The following NTM variants were observed in gnomAD, a reference collection of about 807,000 sequenced individuals.
The protein encoded by NTM is IgLON family member 2.
In NTM, 13 loss-of-function variants were observed where a neutral mutation model predicts 42.1. The ratio of observed to expected loss-of-function variants is 0.31; its 90% CI spans 0.20 to 0.49. The LOEUF (loss-of-function observed/expected upper bound fraction) is 0.49, where lower values mean the gene tolerates loss of function less well. NTM is among the 20% of genes least tolerant of loss of function. The pLI is 0.99. For synonymous variants in NTM, 187 were observed against 179.2 expected (o/e 1.04, Z -0.35); for missense variants, 373 against 452.8 (o/e 0.82, Z 1.60).
At chr11:131,557,005 G>A (rs753640811) in intron 1 of NTM, among the ~76,000 whole-genome samples, 1 of 151,998 alleles carries the variant, frequency 6.6e-6, no homozygotes, top group Non-Finnish European at 1.5e-5. Flanking sequence ...GCATGCGTGT[G>A]TGTTTGTGTG....
chr11:132,314,998 A>AAGAATGTTCATGT (rs2095390203), intron 7 of NTM: 1 of 1,162,084 alleles, frequency 8.6e-7, no homozygotes. Flanking sequence ...GAAAATGAAA[A>AAGAATGTTCATGT]AGAATGTTCA....
intron 1 of NTM, among the ~76,000 whole-genome samples, chr11:131,612,765 G>C (rs1353479126): frequency 6.6e-6 from 1 of 152,220 alleles, no homozygotes; most frequent in Non-Finnish European, 1.5e-5. Context: ...AGCCACACCA[G>C]TTGGCAGATG....
Position 131,930,326 on chromosome 11 carries a change from C to A in NTM, c.167+18678C>A, listed in dbSNP as rs1254034026. ...GGAAGAATGCAGGGTACTTGTTGCC[C>A]TCTGGTTGGTCCTCCTTCCTCCATG... is the stretch of plus-strand genomic sequence containing the variant. On this transcript the variant is annotated intron_variant, in intron 2 of 8. Transcript: ENST00000683400. Among the ~76,000 whole-genome samples the A allele has an allele frequency of 2.0e-5, 3 of 152,116 alleles. No individual in the cohort carries two copies. The East Asian group carries it at 5.8e-4, about 29-fold the overall frequency.
At chr11:131,963,135 C>T (rs981456733) in intron 2 of NTM, among the ~76,000 whole-genome samples, 13 of 152,166 alleles carry the variant, frequency 8.5e-5, no homozygotes, top group African/African-American at 2.9e-4. Flanking sequence ...ACAAAAGACA[C>T]GAGACTCCTG....
At chr11:131,506,070 G>T (rs970970249) in intron 1 of NTM, among the ~76,000 whole-genome samples, 9 of 152,136 alleles carry the variant, frequency 5.9e-5, no homozygotes, top group African/African-American at 2.2e-4. Context: ...ATGAGGGGGA[G>T]AGAGAAGAGG....
At chr11:132,065,920 A>G (rs1322739639) in intron 2 of NTM, among the ~76,000 whole-genome samples, 1 of 152,196 alleles carries the variant, frequency 6.6e-6, no homozygotes, top group Non-Finnish European at 1.5e-5. Context: ...GCCAATAGCC[A>G]TGCTATACAG....
At chr11:131,750,067 C>T (rs1249031651) in intron 1 of NTM, among the ~76,000 whole-genome samples, 7 of 152,194 alleles carry the variant, frequency 4.6e-5, no homozygotes, top group Non-Finnish European at 4.4e-5. Flanking sequence ...TGGGTTTCCC[C>T]TGACCTTAGG....
chr11:132,036,677 T>G (rs1003415949), intron 2 of NTM, among the ~76,000 whole-genome samples: 1 of 152,206 alleles, frequency 6.6e-6, no homozygotes, highest in African/African-American at 2.4e-5. Context: ...CAACACACTT[T>G]TAATAGCACA....
chr11:131,500,832 T>G (rs188264984), intron 1 of NTM, among the ~76,000 whole-genome samples: 1 of 146,862 alleles, frequency 6.8e-6, no homozygotes, highest in Non-Finnish European at 1.5e-5. Context: ...AGTGAGAACA[T>G]GCGGTGTTTG....
chr11:132,224,152 A>G (rs1171960811), intron 4 of NTM, among the ~76,000 whole-genome samples: 1 of 152,208 alleles, frequency 6.6e-6, no homozygotes, highest in East Asian at 1.9e-4. Context: ...ATCCTCCACT[A>G]CGAGGAGGAT....
At chr11:131,889,533 T>TAA (rs546556194) in intron 1 of NTM, among the ~76,000 whole-genome samples, 1 of 151,658 alleles carries the variant, frequency 6.6e-6, no homozygotes, top group South Asian at 2.1e-4. Context: ...TGTGGGCCTT[T>TAA]AAAAAAAAAT....
chr11:131,712,797 C>T (rs144519532), intron 1 of NTM, among the ~76,000 whole-genome samples: 2 of 152,014 alleles, frequency 1.3e-5, no homozygotes, highest in Non-Finnish European at 2.9e-5. Flanking sequence ...TTGCCCAGTA[C>T]GTCTCAAACT....
At chr11:132,052,559 A>T (rs1418707414) in intron 2 of NTM, among the ~76,000 whole-genome samples, 1 of 152,216 alleles carries the variant, frequency 6.6e-6, no homozygotes, top group Non-Finnish European at 1.5e-5. Context: ...AGAGTGATAG[A>T]TAATAACATT....
At chr11:132,148,930 C>T (rs907013467) in intron 3 of NTM, among the ~76,000 whole-genome samples, 15 of 152,092 alleles carry the variant, frequency 9.9e-5, no homozygotes, top group African/African-American at 2.4e-4. Flanking sequence ...GGTGCCCTCT[C>T]GCATGACACA....
chr11:131,461,862 T>A (rs1324162127), intron 1 of NTM, among the ~76,000 whole-genome samples: 2 of 152,118 alleles, frequency 1.3e-5, no homozygotes, highest in Non-Finnish European at 2.9e-5. Context: ...AAAAGAGAGA[T>A]GTGGGAGATA....
At chr11:132,325,176 T>C (rs1255092410) in intron 7 of NTM, among the ~76,000 whole-genome samples, 1 of 152,116 alleles carries the variant, frequency 6.6e-6, no homozygotes. Flanking sequence ...AAATAGGATC[T>C]AATTAAACTA....
Position 132,014,016 on chromosome 11 carries a change from C to T in NTM, c.167+102368C>T, listed in dbSNP as rs149638826. ...TGTCCTTATTTTTTATTCCTATATC[C>T]ATTAGCCAACCTTTCTTCATACCCT... is the stretch of plus-strand genomic sequence containing the variant. On this transcript the variant is annotated intron_variant, in intron 2 of 8. Coordinates refer to ENST00000683400, the MANE Select transcript of NTM (RefSeq NM_001352005.2). Among the ~76,000 whole-genome samples, 416 of 151,972 alleles carry T rather than the reference C, an allele frequency of 2.7e-3. 4 individuals carry two copies. Among genetic ancestry groups the T allele is most frequent in the African/African-American group, 9.3e-3 (386 of 41,510 alleles).
At chr11:131,920,633 T>C (rs1412628027) in intron 2 of NTM, among the ~76,000 whole-genome samples, 1 of 152,206 alleles carries the variant, frequency 6.6e-6, no homozygotes, top group African/African-American at 2.4e-5. Context: ...TTGGGTGTAT[T>C]TGGGCAACTT....
At chr11:131,584,522 A>C (rs1482319676) in intron 1 of NTM, among the ~76,000 whole-genome samples, 1 of 152,176 alleles carries the variant, frequency 6.6e-6, no homozygotes, top group Admixed American at 6.5e-5. Context: ...TGTGAGAATA[A>C]AACGCTGGGT....
Sources: gnomAD v4.1 joint callset for allele counts (sites outside exome capture counted in the v4.1 genomes callset) on GRCh38, gnomAD v4.1.1 for gene constraint, MANE v1.5 for transcripts, NCBI Gene and HGNC (gene_info 2026-07-23, HGNC 2026-07-21) for gene names.